Variants in RESP18 observed in about 807,000 individuals in gnomAD.
RESP18 encodes the protein regulated endocrine-specific protein 18.
RESP18 carries 30 observed loss-of-function variants against 30.0 expected under a neutral mutation model. The observed-to-expected ratio is 1.00, with a 90% CI of 0.75 to 1.36. The LOEUF (loss-of-function observed/expected upper bound fraction) is 1.36. RESP18 is among the 40% of genes most tolerant of loss of function. The pLI, the probability that RESP18 is intolerant of heterozygous loss-of-function variation, is 0.00. For synonymous variants in RESP18, 117 were observed against 111.2 expected, an observed-to-expected ratio of 1.05 and a Z score of -0.33; for missense variants, 320 against 284.2, an observed-to-expected ratio of 1.13 and a Z score of -0.91.
chr2:219,329,618 C>A lies in RESP18; in HGVS notation c.465+19G>T. 1.3e-6 allele frequency: 2 copies of A among 1,551,128 alleles called. No homozygotes were observed. Among genetic ancestry groups the A allele is most frequent in the Non-Finnish European group, 1.7e-6 (2 of 1,146,814 alleles). On this transcript the variant is annotated intron_variant, in intron 4 of 6. Coordinates refer to ENST00000333527, the MANE Select transcript of RESP18 (RefSeq NM_001007089.4). Reference sequence around the variant, plus strand: ...TCTGCCAGAATGCTTGGAATGACCACAGGCCTCATGCACCTCACCTCAGTG... The same window carrying A: ...TCTGCCAGAATGCTTGGAATGACCAAAGGCCTCATGCACCTCACCTCAGTG...
intron 2 of RESP18, 39 bp downstream of exon 1, chr2:219,332,485 T>C (rs2048737): frequency 0.31 from 456,466 of 1,491,764 alleles, 83,457 homozygotes; most frequent in African/African-American, 0.84. Flanking sequence ...CAGGATCGCT[T>C]TCTTGGCCCT....
At chr2:219,328,655 G>A (rs1952797473) in intron 6 of RESP18, among the ~76,000 whole-genome samples, 1 of 152,184 alleles carries the variant, frequency 6.6e-6, no homozygotes, top group South Asian at 2.1e-4. Context: ...TATAAAGATG[G>A]ATGGGAGTAC....
intron 2 of RESP18, among the ~76,000 whole-genome samples, chr2:219,331,741 C>T (rs997758854): frequency 3.9e-5 from 6 of 152,162 alleles, no homozygotes; most frequent in African/African-American, 1.4e-4. Context: ...CGGAGCGCGC[C>T]TGGCGCTGTC....
At chr2:219,332,453 C>A (rs1445768230) in intron 2 of RESP18, 71 bp downstream of exon 1, 6 of 1,155,260 alleles carry the variant, frequency 5.2e-6, no homozygotes, top group Admixed American at 2.4e-5. Flanking sequence ...AGCCTTGAGG[C>A]CCCCTGCAGA....
intron 3 of RESP18, among the ~76,000 whole-genome samples, chr2:219,329,987 T>C (rs2125107688): frequency 6.6e-6 from 1 of 152,318 alleles, no homozygotes; most frequent in South Asian, 2.1e-4. Context: ...ATTGTGAGGA[T>C]TAAATGAGGT....
chr2:219,329,538 C>A, intron 4 of RESP18, 99 bp downstream of exon 3: 1 of 1,535,696 alleles, frequency 6.5e-7, no homozygotes, highest in Non-Finnish European at 8.8e-7. Flanking sequence ...TCTCACAGTG[C>A]TCCTGGCAAC....
chr2:219,329,792 T>C, intron 3 of RESP18, 28 bp from the exon 3 acceptor site: 2 of 1,544,498 alleles, frequency 1.3e-6, no homozygotes, highest in Middle Eastern at 1.7e-4. Context: ...GGGGGGTGAG[T>C]TGACACCTGA....
At chr2:219,330,985 TC>T (rs1184581535) in intron 2 of RESP18, 110 bp from the exon 2 acceptor site, 4 of 679,058 alleles carry the variant, frequency 5.9e-6, no homozygotes, top group Non-Finnish European at 1.1e-5. Flanking sequence ...TGACCTCTGT[TC>T]CCACTACCAG....
In RESP18 at chr2:219,327,460, C is replaced by T; in HGVS notation, c.*57G>A. ...AAATCTGGGTCATCCAAGAACTGCT[C>T]CTCTGAAGGGCAATGGGAAGGGTGC... On this transcript the variant is annotated 3_prime_UTR_variant, in exon 7 of 7. Transcript: ENST00000333527. 1 of 1,461,352 alleles carries T rather than the reference C, an allele frequency of 6.8e-7. No individual in the cohort carries two copies. Among genetic ancestry groups the T allele is most frequent in the Non-Finnish European group, 9.4e-7 (1 of 1,064,942 alleles). The allele number at this position is 1,461,352 out of a possible 1,614,324, so 90.5% of individuals were successfully genotyped here. A position where few individuals can be genotyped will look rare whatever the true frequency, so the allele number is the denominator to read the frequency against.
At chr2:219,330,738 G>C in intron 3 of RESP18, 33 bp downstream of exon 2, 5 of 1,404,214 alleles carry the variant, frequency 3.6e-6, no homozygotes, top group Non-Finnish European at 4.9e-6. Flanking sequence ...TCTCTAACCA[G>C]GCCCCAACCT....
rs987538811 is a variant in RESP18, at chr2:219,332,614, A to T, written c.142T>A (p.Trp48Arg). The T allele has an allele frequency of 8.4e-6, 13 of 1,551,448 alleles. No individual in the cohort carries two copies. The African/African-American group carries it at 1.6e-4, about 20-fold the overall frequency. The stretch of plus-strand genomic sequence containing the variant: ...TGGAGCCCCTCGGAGCTCCCAGGCC[A>T]CAGTGGGTGCTGTATCCTCCCAGGC... Residue 48 changes from tryptophan to arginine, a missense_variant, in exon 2 of 7, where the codon TGG becomes AGG. Coordinates refer to ENST00000333527, the MANE Select transcript of RESP18 (RefSeq NM_001007089.4).
Position 219,332,706 on chromosome 2 carries a change from G to C in RESP18, c.50C>G (p.Ala17Gly). The change falls in exon 2 of 7, where the codon GCC (alanine) becomes GGC (glycine). Residue 17 changes from alanine (A) to glycine (G), a missense_variant. By Grantham distance (60) the Ala-to-Gly change is moderately conservative. Coordinates refer to ENST00000333527, the MANE Select transcript of RESP18 (RefSeq NM_001007089.4). ...GGCCACGGCCGAGGGGCTGAGCGGG[G>C]CTGCAGCTTCCCACCAGCCCGCGAC... The C allele has an allele frequency of 1.3e-6, 2 of 1,548,822 alleles. No homozygotes were observed. Among genetic ancestry groups the C allele is most frequent in the Non-Finnish European group, 1.7e-6 (2 of 1,145,528 alleles).
chr2:219,331,660 C>A (rs150389545), intron 2 of RESP18, among the ~76,000 whole-genome samples: 115 of 152,054 alleles, frequency 7.6e-4, no homozygotes, highest in Admixed American at 1.7e-3. Flanking sequence ...GGAAGGGGAG[C>A]TGATTCTCTG....
At chr2:219,329,306 C>T in intron 4 of RESP18, 54 bp from the exon 4 acceptor site, 1 of 1,551,596 alleles carries the variant, frequency 6.4e-7, no homozygotes, top group Non-Finnish European at 8.7e-7. Context: ...GTGAGAGGGC[C>T]CCACAGGAAA....
intron 6 of RESP18, 42 bp from the exon 6 acceptor site, chr2:219,327,605 G>A (rs1224872025): frequency 2.0e-6 from 3 of 1,509,354 alleles, no homozygotes; most frequent in African/African-American, 2.8e-5. Flanking sequence ...CAGGATGTGA[G>A]ACAGTGGCTC....
chr2:219,330,691 AC>A (rs1952820930), intron 3 of RESP18, 79 bp downstream of exon 2: 1 of 841,332 alleles, frequency 1.2e-6, no homozygotes, highest in Non-Finnish European at 1.9e-6. Context: ...CAGAAAGCCT[AC>A]CCTCAGGTCG....
intron 2 of RESP18, among the ~76,000 whole-genome samples, chr2:219,331,677 C>G (rs1451338104): frequency 6.6e-6 from 1 of 152,090 alleles, no homozygotes; most frequent in Non-Finnish European, 1.5e-5. Context: ...TCTGAGGCAG[C>G]GTTCCCAGGA....
In RESP18 at chr2:219,332,687, G is replaced by C. The variant is rs781292976; in HGVS notation, c.69C>G (p.Ala23=). The stretch of plus-strand genomic sequence containing the variant: ...AAGTCTCAGTGAAGGTAGCGGCCAC[G>C]GCCGAGGGGCTGAGCGGGGCTGCAG... The change falls in exon 2 of 7, where the codon GCC becomes GCG. Residue 23 remains alanine, a synonymous_variant. Coordinates refer to ENST00000333527, the MANE Select transcript of RESP18 (RefSeq NM_001007089.4). 4 of 1,550,852 alleles carry C rather than the reference G, an allele frequency of 2.6e-6. No individual in the cohort carries two copies. In the South Asian group the frequency reaches 3.6e-5, roughly 14 times the overall value.
rs1952800492 is a variant in RESP18 at position 219,328,917 on chromosome 2, T to C, written c.640+7A>G. ...GTTTCAATGCCTATTTTAAACTCAATACTTACGCATGATCTTATAGATAAT... is the reference window on the plus strand; with the variant it reads ...GTTTCAATGCCTATTTTAAACTCAACACTTACGCATGATCTTATAGATAAT... On this transcript the variant is annotated splice_region_variant and intron_variant, in intron 6 of 6. Transcript: ENST00000333527. The C allele has an allele frequency of 3.9e-6, 6 of 1,539,844 alleles. No individual in the cohort carries two copies. The highest frequency in any genetic ancestry group is 5.3e-6 in the Non-Finnish European group (6 of 1,137,148).
Sources: gnomAD v4.1 joint callset for allele counts (sites outside exome capture counted in the v4.1 genomes callset) on GRCh38, gnomAD v4.1.1 for gene constraint, MANE v1.5 for transcripts, NCBI Gene and HGNC (gene_info 2026-07-23, HGNC 2026-07-21) for gene names.